Variants in INPP4B observed in about 807,000 individuals in gnomAD.
INPP4B encodes inositol polyphosphate 4-phosphatase type II.
Under a neutral mutation model 122.5 loss-of-function variants are expected in INPP4B, and 55 were observed. The observed-to-expected ratio is 0.45, with a 90% CI of 0.36 to 0.56. The LOEUF is 0.56. Ranked by LOEUF, INPP4B falls within the 20% of genes least tolerant of loss-of-function variation. The pLI, the probability that INPP4B is intolerant of heterozygous loss-of-function variation, is 0.00. For synonymous variants in INPP4B, 403 were observed against 388.7 expected (o/e 1.04, Z -0.43); for missense variants, 1,000 against 1,097.7 (o/e 0.91, Z 1.26).
At chr4:142,685,033 G>A (rs1006080722) in intron 2 of INPP4B, among the ~76,000 whole-genome samples, 3 of 152,032 alleles carry the variant, frequency 2.0e-5, no homozygotes, top group African/African-American at 7.2e-5. Flanking sequence ...CTGCCAAAAT[G>A]TAGATATTTA....
chr4:142,704,238 C>T (rs1342163798), intron 2 of INPP4B, among the ~76,000 whole-genome samples: 1 of 152,066 alleles, frequency 6.6e-6, no homozygotes, highest in African/African-American at 2.4e-5. Context: ...AGGGGAGACA[C>T]AGAGTGAGAC....
At chr4:142,301,874 T>C (rs2151133821) in intron 9 of INPP4B, among the ~76,000 whole-genome samples, 1 of 152,322 alleles carries the variant, frequency 6.6e-6, no homozygotes, top group Middle Eastern at 3.4e-3. Flanking sequence ...TTTGCATCTG[T>C]GGTTGTTTAA....
At chr4:142,030,415 A>G (rs994561544) in intron 25 of INPP4B, 7 of 848,140 alleles carry the variant, frequency 8.3e-6, no homozygotes, top group Non-Finnish European at 1.2e-5. Context: ...ACATAACACA[A>G]CTCTTTCAGA....
chr4:142,231,131 T>G (rs1854164005), intron 12 of INPP4B, among the ~76,000 whole-genome samples: 1 of 152,218 alleles, frequency 6.6e-6, no homozygotes, highest in Non-Finnish European at 1.5e-5. Context: ...CAGTTCATGT[T>G]GAGTCCAAAT....
chr4:142,364,972 G>T (rs1295154867), intron 7 of INPP4B, among the ~76,000 whole-genome samples: 1 of 152,054 alleles, frequency 6.6e-6, no homozygotes, highest in Non-Finnish European at 1.5e-5. Context: ...CATATTTAAA[G>T]GTCAGCCAAC....
intron 2 of INPP4B, among the ~76,000 whole-genome samples, chr4:142,696,508 C>T (rs551434563): frequency 6.6e-6 from 1 of 152,194 alleles, no homozygotes; most frequent in African/African-American, 2.4e-5. Flanking sequence ...CTTTCCCCAC[C>T]CCAGCCCTGA....
chr4:142,770,634 G>A lies in INPP4B; in HGVS notation c.-253-44733C>T, dbSNP rs181244598. Among the ~76,000 whole-genome samples the A allele has an allele frequency of 2.6e-5, 4 of 152,120 alleles. No individual in the cohort carries two copies. In the East Asian group the frequency reaches 7.7e-4, roughly 29 times the overall value. ...AATTCCCCAATCTCAGTTTTAAAAG[G>A]TTTTAATAGGAATTTAAGTTTCCTA... On this transcript the variant is annotated intron_variant, in intron 1 of 25. Transcript: ENST00000262992.
At chr4:142,638,419 T>TCTTTTCA (rs1486380204) in intron 2 of INPP4B, among the ~76,000 whole-genome samples, 1 of 152,232 alleles carries the variant, frequency 6.6e-6, no homozygotes, top group Non-Finnish European at 1.5e-5. Flanking sequence ...GTTATTGTAG[T>TCTTTTCA]ACTATTTGTT....
Position 142,075,242 on chromosome 4 carries a change from TGA to T in INPP4B, c.2642+6787_2642+6788del, listed in dbSNP as rs1017238971. Among the ~76,000 whole-genome samples, 70 of 152,172 alleles carry T rather than the reference TGA, an allele frequency of 4.6e-4. No individual in the cohort carries two copies. The Middle Eastern group carries it at 0.017, about 37-fold the overall frequency. On this transcript the variant is annotated intron_variant, in intron 25 of 25. Coordinates refer to ENST00000262992, the MANE Select transcript of INPP4B (RefSeq NM_001101669.3). ...AATGACGACCACATATTTCTATTAA[TGA>T]CCTGTTTTCCCAACTCACCTCCAGA...
chr4:142,461,411 A>T (rs1816707813), intron 3 of INPP4B, among the ~76,000 whole-genome samples: 1 of 152,248 alleles, frequency 6.6e-6, no homozygotes, highest in Non-Finnish European at 1.5e-5. Flanking sequence ...AACCAGTATT[A>T]CTAATGCTAA....
chr4:142,257,834 C>G (rs1421087155), intron 11 of INPP4B, among the ~76,000 whole-genome samples: 2 of 151,836 alleles, frequency 1.3e-5, no homozygotes, highest in Non-Finnish European at 2.9e-5. Context: ...ACTTTCTTCA[C>G]AGAATTGGAA....
Position 142,208,963 on chromosome 4 carries a change from G to A in INPP4B, c.900C>T (p.Val300=). ...TCACCATTTGATCACAGTGAGTAAG[G>A]ACATTTTTTCGCAGATTGTCCCAAT... ...SPHWDNLRKN[V]LTHCDQMVNM... The change falls in exon 13 of 26, where the codon GTC becomes GTT. Residue 300 remains valine (V), a synonymous_variant. Coordinates refer to ENST00000262992, the MANE Select transcript of INPP4B (RefSeq NM_001101669.3). 1 of 1,605,990 alleles carries A rather than the reference G, an allele frequency of 6.2e-7. No individual in the cohort carries two copies. Among genetic ancestry groups the A allele is most frequent in the Non-Finnish European group, 8.5e-7 (1 of 1,174,776 alleles).
Position 142,592,829 on chromosome 4 carries a change from G to A in INPP4B, c.-190-130103C>T, listed in dbSNP as rs182130259. On this transcript the variant is annotated intron_variant, in intron 2 of 25. Transcript: ENST00000262992. Reference sequence around the variant, plus strand: ...TCAAAGACCGTCATAGGCTGGGTGCGATGGCTCATGCCTGTAATCCCAGCA... The same window carrying A: ...TCAAAGACCGTCATAGGCTGGGTGCAATGGCTCATGCCTGTAATCCCAGCA... Among the ~76,000 whole-genome samples, 141 of 152,272 alleles carry A rather than the reference G, an allele frequency of 9.3e-4. 1 individual carries two copies. Among genetic ancestry groups the A allele is most frequent in the African/African-American group, 3.3e-3 (137 of 41,566 alleles).
intron 1 of INPP4B, among the ~76,000 whole-genome samples, chr4:142,788,037 C>T (rs370552753): frequency 3.9e-5 from 6 of 151,974 alleles, no homozygotes; most frequent in Non-Finnish European, 5.9e-5. Flanking sequence ...CTTCCGGTTG[C>T]GGGAAGCCTT....
At chr4:142,631,743 T>A (rs1016735257) in intron 2 of INPP4B, among the ~76,000 whole-genome samples, 1 of 152,120 alleles carries the variant, frequency 6.6e-6, no homozygotes, top group Non-Finnish European at 1.5e-5. Flanking sequence ...AGCTAATCTA[T>A]CTACAGAAAA....
At chr4:142,344,818 A>C (rs1779799320) in intron 7 of INPP4B, among the ~76,000 whole-genome samples, 1 of 152,144 alleles carries the variant, frequency 6.6e-6, no homozygotes, top group African/African-American at 2.4e-5. Context: ...CTCATGACAC[A>C]AGTTTACCTA....
chr4:142,698,816 C>G (rs79623054), intron 2 of INPP4B, among the ~76,000 whole-genome samples: 3,163 of 152,212 alleles, frequency 0.021, 114 homozygotes, highest in African/African-American at 0.071. Flanking sequence ...AGCAAGAAGG[C>G]CTTCAGGAAC....
chr4:142,190,415 T>C (rs1031068460), intron 15 of INPP4B, among the ~76,000 whole-genome samples: 7 of 152,192 alleles, frequency 4.6e-5, no homozygotes, highest in Admixed American at 1.3e-4. Flanking sequence ...AGAAAAAGTA[T>C]TGGCATGGTG....
chr4:142,405,967 T>C lies in INPP4B; in HGVS notation c.137-643A>G, dbSNP rs571748447. 2.6e-5 allele frequency among the ~76,000 whole-genome samples: 4 copies of C among 152,172 alleles called. No homozygotes were observed. In the South Asian group the frequency reaches 8.3e-4, roughly 32 times the overall value. On this transcript the variant is annotated intron_variant, in intron 5 of 25. Transcript: ENST00000262992. ...CCAGGGGCCACAAAAGTTAAAAACT[T>C]TCCCTTGAGACACCAGGCTCATATT... is the stretch of plus-strand genomic sequence containing the variant.
Sources: gnomAD v4.1 joint callset for allele counts (sites outside exome capture counted in the v4.1 genomes callset) on GRCh38, gnomAD v4.1.1 for gene constraint, MANE v1.5 for transcripts, NCBI Gene and HGNC (gene_info 2026-07-23, HGNC 2026-07-21) for gene names.